The following SPMIP7 variants were observed in gnomAD, a reference collection of about 807,000 sequenced individuals.
SPMIP7 encodes the protein sperm microtubule inner protein 7, also known as protein SPMIP7.
chr7:50,111,462 G>A, the SPMIP7 span, among the ~76,000 whole-genome samples: 5 of 152,110 alleles, frequency 3.3e-5, no homozygotes, highest in African/African-American at 4.8e-5. Flanking sequence ...TTCTCTACCT[G>A]GCTGGCACCA....
the SPMIP7 span, chr7:50,141,477 G>T: frequency 1.2e-6 from 1 of 854,332 alleles, no homozygotes; most frequent in Non-Finnish European, 1.9e-6. Flanking sequence ...GAATTTAAAC[G>T]TGGCTTTTAT....
At chr7:50,157,011 G>A in the SPMIP7 span, among the ~76,000 whole-genome samples, 1 of 152,206 alleles carries the variant, frequency 6.6e-6, no homozygotes, top group African/African-American at 2.4e-5. Context: ...GCAGTCAAGT[G>A]ACATGCTCCT....
At chr7:50,155,875 C>CCTCACTATACACACATACTGCACA in the SPMIP7 span, among the ~76,000 whole-genome samples, 23 of 152,022 alleles carry the variant, frequency 1.5e-4, no homozygotes, top group Non-Finnish European at 2.4e-4. Context: ...CATCCATGGC[C>CCTCACTATACACACATACTGCACA]TGAGTGGGAC....
the SPMIP7 span, among the ~76,000 whole-genome samples, chr7:50,152,573 G>A: frequency 6.6e-6 from 1 of 152,156 alleles, no homozygotes; most frequent in Non-Finnish European, 1.5e-5. Context: ...ACAGTAGGAA[G>A]GCAGACTAGA....
chr7:50,144,714 A>G, the SPMIP7 span, among the ~76,000 whole-genome samples: 1 of 152,160 alleles, frequency 6.6e-6, no homozygotes, highest in Non-Finnish European at 1.5e-5. Context: ...ATGTTAACGC[A>G]GTTTCTACTG....
At chr7:50,101,199 G>C in the SPMIP7 span, among the ~76,000 whole-genome samples, 1 of 152,228 alleles carries the variant, frequency 6.6e-6, no homozygotes, top group Non-Finnish European at 1.5e-5. Context: ...TTATATGTTA[G>C]TAAGCATCAT....
the SPMIP7 span, among the ~76,000 whole-genome samples, chr7:50,152,709 A>ATTTAC: frequency 1.1e-5 from 1 of 92,728 alleles, no homozygotes; most frequent in Non-Finnish European, 2.4e-5. Flanking sequence ...TATTTATTTA[A>ATTTAC]GACAGAGTAC....
the SPMIP7 span, among the ~76,000 whole-genome samples, chr7:50,099,561 C>T: frequency 5.3e-5 from 8 of 152,182 alleles, no homozygotes; most frequent in Non-Finnish European, 1.2e-4. Context: ...CTTCACCCTT[C>T]AGCCTGGCCA....
the SPMIP7 span, among the ~76,000 whole-genome samples, chr7:50,146,781 C>T: frequency 2.0e-5 from 3 of 152,194 alleles, no homozygotes; most frequent in East Asian, 1.9e-4. Flanking sequence ...ACTCTTCCTC[C>T]GTCTCCCACT....
At chr7:50,121,864 C>T in the SPMIP7 span, among the ~76,000 whole-genome samples, 1 of 151,864 alleles carries the variant, frequency 6.6e-6, no homozygotes, top group South Asian at 2.1e-4. Flanking sequence ...ACCATGTTGA[C>T]CAGGCTGGCC....
chr7:50,153,216 C>T, the SPMIP7 span, among the ~76,000 whole-genome samples: 1 of 152,154 alleles, frequency 6.6e-6, no homozygotes, highest in Admixed American at 6.5e-5. Context: ...GCTTATTGAG[C>T]TTTGTGGTCA....
At chr7:50,119,951 G>A in the SPMIP7 span, among the ~76,000 whole-genome samples, 4 of 152,124 alleles carry the variant, frequency 2.6e-5, no homozygotes, top group Non-Finnish European at 4.4e-5. Context: ...TGGCTCACGC[G>A]CTATGTAGGC....
chr7:50,128,945 G>A, the SPMIP7 span, among the ~76,000 whole-genome samples: 7 of 151,880 alleles, frequency 4.6e-5, no homozygotes, highest in Non-Finnish European at 1.0e-4. Flanking sequence ...ATAAGCAGAG[G>A]GGAGGAAAAC....
chr7:50,099,811 G>C, the SPMIP7 span, among the ~76,000 whole-genome samples: 1 of 152,124 alleles, frequency 6.6e-6, no homozygotes, highest in African/African-American at 2.4e-5. Context: ...ATCAACTCTT[G>C]GATCTATGGC....
At chr7:50,103,934 C>T in the SPMIP7 span, among the ~76,000 whole-genome samples, 1 of 152,108 alleles carries the variant, frequency 6.6e-6, no homozygotes, top group African/African-American at 2.4e-5. Flanking sequence ...TTGAAGGCTG[C>T]TTTTTATAAT....
chr7:50,145,610 ATGTGTG>A, the SPMIP7 span, among the ~76,000 whole-genome samples: 1,891 of 35,420 alleles, frequency 0.053, 182 homozygotes, highest in African/African-American at 0.15. Flanking sequence ...GTGTGTGTAT[ATGTGTG>A]TGTATATATA....
the SPMIP7 span, among the ~76,000 whole-genome samples, chr7:50,101,154 A>T: frequency 6.6e-6 from 1 of 152,234 alleles, no homozygotes; most frequent in Admixed American, 6.5e-5. Flanking sequence ...TCCCATGTTG[A>T]CATTGGGCCT....
the SPMIP7 span, among the ~76,000 whole-genome samples, chr7:50,128,226 A>G: frequency 6.6e-6 from 1 of 151,972 alleles, no homozygotes; most frequent in Non-Finnish European, 1.5e-5. Context: ...TAAGACAAAT[A>G]TTGCTTGTTC....
the SPMIP7 span, among the ~76,000 whole-genome samples, chr7:50,151,978 G>A: frequency 6.6e-6 from 1 of 152,184 alleles, no homozygotes; most frequent in Admixed American, 6.5e-5. Context: ...CTTGTGAACA[G>A]CCACCTTACT....
Sources: gnomAD v4.1 joint callset for allele counts (sites outside exome capture counted in the v4.1 genomes callset) on GRCh38, gnomAD v4.1.1 for gene constraint, MANE v1.5 for transcripts, NCBI Gene and HGNC (gene_info 2026-07-23, HGNC 2026-07-21) for gene names.